Variants in NBPF14 observed in about 807,000 individuals in gnomAD.
The protein encoded by NBPF14 is NBPF member 14, also known as NBPF family member NBPF14.
Under a neutral mutation model 91.2 loss-of-function variants are expected in NBPF14, and 104 were observed. The ratio of observed to expected loss-of-function variants is 1.14; its 90% CI spans 0.97 to 1.34. The LOEUF (loss-of-function observed/expected upper bound fraction) is 1.34, where lower values mean the gene tolerates loss of function less well. Among genes scored for constraint, NBPF14 ranks in the 40% most tolerant of loss-of-function variants. The pLI, the probability that NBPF14 is intolerant of heterozygous loss-of-function variation, is 0.00. For missense variants in NBPF14, 908 were observed against 783.0 expected (o/e 1.16, Z -1.91); for synonymous variants, 294 against 303.8 (o/e 0.97, Z 0.34).
At chr1:148,557,696 A>T (rs1656913910) in intron 39 of NBPF14, among the ~76,000 whole-genome samples, 154 bp from the exon 40 acceptor site, 1 of 130,384 alleles carries the variant, frequency 7.7e-6, no homozygotes, top group East Asian at 2.4e-4. Context: ...AAAGCTGGTC[A>T]TGATATTCCT....
chr1:148,557,593 C>A, intron 39 of NBPF14, 51 bp from the exon 40 acceptor site: 1 of 605,456 alleles, frequency 1.7e-6, no homozygotes, highest in East Asian at 3.4e-5. Flanking sequence ...TCACCTACAC[C>A]CATAACAGTC....
At chr1:148,585,731 A>G (rs1218819091) in intron 9 of NBPF14, among the ~76,000 whole-genome samples, 2 of 148,404 alleles carry the variant, frequency 1.3e-5, no homozygotes, top group Non-Finnish European at 3.0e-5. Flanking sequence ...GCCCCCACAT[A>G]AAGTGCCTTC....
chr1:148,577,450 A>T (rs1660034865), intron 14 of NBPF14, 95 bp from the exon 15 acceptor site: 2 of 674,458 alleles, frequency 3.0e-6, no homozygotes, highest in African/African-American at 3.6e-5. Context: ...GAAGAGTTTG[A>T]AAAGAAAAAG....
intron 69 of NBPF14, among the ~76,000 whole-genome samples, chr1:148,534,409 T>C (rs1452866504): frequency 4.6e-5 from 7 of 151,892 alleles, no homozygotes; most frequent in South Asian, 2.1e-4. Flanking sequence ...CACAGTTCTC[T>C]GAATTTGTCA....
rs1410673050 is a variant in NBPF14, at chr1:148,559,819, C to G, written c.4703G>C (p.Arg1568Pro). 1.7e-5 allele frequency: 26 copies of G among 1,534,070 alleles called. 4 individuals are homozygous for G. In the South Asian group the frequency reaches 1.8e-4, roughly 11 times the overall value. ...ATCCATGTCAACAGCCAAGCCAACA[C>G]GCTGCTGCTCCAATATGTAAAAGGC... is the stretch of plus-strand genomic sequence containing the variant. The change falls in exon 37 of 71, where the codon CGT (arginine) becomes CCT (proline). Residue 1568 changes from arginine (R) to proline (P), a missense_variant. Coordinates refer to ENST00000619423, the Ensembl canonical transcript of NBPF14.
chr1:148,578,983 T>G, intron 13 of NBPF14, 91 bp downstream of exon 13: 1 of 645,808 alleles, frequency 1.5e-6, no homozygotes, highest in Non-Finnish European at 2.8e-6. Flanking sequence ...ATGGCAAATC[T>G]CAGCCCAACA....
intron 68 of NBPF14, 51 bp downstream of exon 68, chr1:148,535,402 C>G: frequency 2.0e-6 from 1 of 506,474 alleles, no homozygotes; most frequent in Non-Finnish European, 3.4e-6. Flanking sequence ...CTGGACCTGG[C>G]ATCTCCAGGT....
exon 37 of NBPF14, chr1:148,559,869 A>T (rs1657401602): frequency 7.0e-7 from 1 of 1,433,946 alleles, no homozygotes; most frequent in Non-Finnish European, 9.5e-7. Context: ...GGCATGAGTC[A>T]GTCAGTTCAA....
At chr1:148,591,318 C>T in intron 5 of NBPF14, 114 bp downstream of exon 5, 2 of 1,436,114 alleles carry the variant, frequency 1.4e-6, no homozygotes, top group Non-Finnish European at 9.8e-7. Flanking sequence ...ATTTCACATA[C>T]TGTGGCCAAG....
rs1215567887 is a variant in NBPF14, at chr1:148,587,441, T to A, written c.989-38A>T. ...AGACACACCTACCTCAGTGGAAGGC[T>A]GGACATGCTGCTGTGGTCATTGCCT... On this transcript the variant is annotated intron_variant, in intron 7 of 70. Transcript: ENST00000619423. 3.2e-6 allele frequency: 5 copies of A among 1,545,726 alleles called. No homozygotes were observed. The South Asian group carries it at 3.4e-5, about 11-fold the overall frequency.
intron 70 of NBPF14, among the ~76,000 whole-genome samples, chr1:148,533,482 G>C (rs1654134173): frequency 6.6e-6 from 1 of 151,776 alleles, no homozygotes; most frequent in South Asian, 2.1e-4. Flanking sequence ...GAGAGAAAGT[G>C]ACCTAGTGAA....
intron 2 of NBPF14, 135 bp downstream of exon 2, chr1:148,595,408 T>G: frequency 8.7e-7 from 1 of 1,143,726 alleles, no homozygotes; most frequent in Non-Finnish European, 1.3e-6. Context: ...TAACAAAATG[T>G]TAAAATACCC....
intron 14 of NBPF14, among the ~76,000 whole-genome samples, chr1:148,577,582 A>T (rs1283376038): frequency 2.0e-5 from 3 of 150,740 alleles, no homozygotes; most frequent in Non-Finnish European, 4.4e-5. Context: ...ACACACTCAC[A>T]CACACACAGA....
rs1255319677 is a variant in NBPF14, at chr1:148,595,258, G to A, written c.175+285C>T. On this transcript the variant is annotated intron_variant, in intron 2 of 70. Coordinates refer to ENST00000619423, the Ensembl canonical transcript of NBPF14. ...GTACAGAGAGGATTCTTGAAAACACGATTGAGCCCCTTGGAGAAAACAGGT... is the reference window on the plus strand; with the variant it reads ...GTACAGAGAGGATTCTTGAAAACACAATTGAGCCCCTTGGAGAAAACAGGT... 4.7e-5 allele frequency among the ~76,000 whole-genome samples: 7 copies of A among 148,036 alleles called. 2 individuals are homozygous for A. Among genetic ancestry groups the A allele is most frequent in the Non-Finnish European group, 7.5e-5 (5 of 66,478 alleles).
chr1:148,535,798 C>A (rs1655039676), intron 67 of NBPF14, among the ~76,000 whole-genome samples: 1 of 134,936 alleles, frequency 7.4e-6, no homozygotes, highest in Admixed American at 7.9e-5. Context: ...AAGCAAATGC[C>A]CCCAAATGGC....
At chr1:148,534,260 A>C (rs1294664539) in intron 69 of NBPF14, among the ~76,000 whole-genome samples, 1 of 151,676 alleles carries the variant, frequency 6.6e-6, no homozygotes, top group Non-Finnish European at 1.5e-5. Flanking sequence ...CGTAAAGCAA[A>C]TACCCTCAAT....
rs1376663608 is a variant in NBPF14 at position 148,586,824 on chromosome 1, G to C, written c.1092-355C>G. On this transcript the variant is annotated intron_variant, in intron 8 of 70. Coordinates refer to ENST00000619423, the Ensembl canonical transcript of NBPF14. ...CACATAGTGCATCTTGCGGCCACTAGATACAAAGCCATGTACAGAAATGAG... is the reference window on the plus strand; with the variant it reads ...CACATAGTGCATCTTGCGGCCACTACATACAAAGCCATGTACAGAAATGAG... Among the ~76,000 whole-genome samples, 425 of 138,782 alleles carry C rather than the reference G, an allele frequency of 3.1e-3. 19 individuals carry two copies. The highest frequency in any genetic ancestry group is 6.3e-3 in the African/African-American group (240 of 38,386). The allele number at this position is 138,782 out of a possible 152,430, so 91.0% of individuals were successfully genotyped here. A position where few individuals can be genotyped will look rare whatever the true frequency, so the allele number is the denominator to read the frequency against.
At chr1:148,536,691 G>A (rs1415100892) in intron 66 of NBPF14, among the ~76,000 whole-genome samples, 3 of 88,796 alleles carry the variant, frequency 3.4e-5, no homozygotes, top group African/African-American at 1.3e-4. Flanking sequence ...CTCTGAGTTA[G>A]TGCCCTCATG....
intron 37 of NBPF14, among the ~76,000 whole-genome samples, chr1:148,559,487 G>C (rs1261303525): frequency 1.6e-5 from 2 of 128,046 alleles, no homozygotes; most frequent in Non-Finnish European, 3.1e-5. Flanking sequence ...AAATCTACAA[G>C]ATCTACAAAA....
Sources: allele counts gnomAD v4.1 joint callset (sites outside exome capture counted in the v4.1 genomes callset), GRCh38; gene constraint gnomAD v4.1.1; transcripts MANE v1.5; gene names NCBI Gene and HGNC (gene_info 2026-07-23, HGNC 2026-07-21).